The following LRIG1 variants were observed in gnomAD, a reference collection of about 807,000 sequenced individuals.
LRIG1 encodes leucine-rich repeats and immunoglobulin-like domains protein 1.
Under a neutral mutation model 99.2 loss-of-function variants are expected in LRIG1, and 48 were observed. That is an observed-to-expected ratio of 0.48 (90% CI 0.38 to 0.62). LRIG1 has a LOEUF of 0.62. Ranked by LOEUF, LRIG1 falls within the 20% of genes least tolerant of loss-of-function variation. The pLI is 0.00. For synonymous variants in LRIG1, 772 were observed against 596.1 expected, an observed-to-expected ratio of 1.29 and a Z score of -4.30; for missense variants, 1,646 against 1,434.4, an observed-to-expected ratio of 1.15 and a Z score of -2.38.
Position 66,380,118 on chromosome 3 carries a change from T to C in LRIG1, c.*145A>G. ...CCTCTTGCGTTTACTGTGCTTCAGA[T>C]CCAAGTCCTGTGAGCGACTGATACT... is the stretch of plus-strand genomic sequence containing the variant. On this transcript the variant is annotated 3_prime_UTR_variant, in exon 19 of 19. Coordinates refer to ENST00000273261, the MANE Select transcript of LRIG1 (RefSeq NM_015541.3). 3.1e-6 allele frequency: 2 copies of C among 648,706 alleles called. No homozygotes were observed. The highest frequency in any genetic ancestry group is 5.2e-6 in the Non-Finnish European group (2 of 387,310). 40.2% of individuals were successfully genotyped at this position (648,706 alleles called of 1,614,324 possible).
chr3:66,385,762 T>G (rs1036989453), intron 13 of LRIG1, among the ~76,000 whole-genome samples: 1 of 152,172 alleles, frequency 6.6e-6, no homozygotes, highest in Non-Finnish European at 1.5e-5. Context: ...AATAACTAGA[T>G]TTTTAAAACT....
At chr3:66,380,972 A>T in intron 17 of LRIG1, 111 bp from the exon 18 acceptor site, 2 of 1,050,672 alleles carry the variant, frequency 1.9e-6, no homozygotes, top group Non-Finnish European at 2.8e-6. Flanking sequence ...CCTGACTGCA[A>T]ACACTGTATG....
intron 1 of LRIG1, among the ~76,000 whole-genome samples, chr3:66,482,882 C>T: frequency 6.6e-6 from 1 of 152,280 alleles, no homozygotes; most frequent in East Asian, 1.9e-4. Context: ...TTCAGCCTCA[C>T]ACATTACTGG....
At chr3:66,399,086 C>G in intron 9 of LRIG1, 45 bp from the exon 10 acceptor site, 1 of 1,460,100 alleles carries the variant, frequency 6.8e-7, no homozygotes, top group South Asian at 1.1e-5. Context: ...GGAAGGAAAG[C>G]GAAACAGGAA....
intron 3 of LRIG1, among the ~76,000 whole-genome samples, chr3:66,418,747 G>C (rs1559789560): frequency 6.6e-6 from 1 of 152,176 alleles, no homozygotes; most frequent in East Asian, 1.9e-4. Flanking sequence ...GACCGAATCA[G>C]TTCCAACAGG....
At chr3:66,421,322 G>GC (rs1702802058) in intron 3 of LRIG1, among the ~76,000 whole-genome samples, 1 of 152,166 alleles carries the variant, frequency 6.6e-6, no homozygotes, top group Admixed American at 6.5e-5. Flanking sequence ...CTGAGACAAT[G>GC]CAAGTCCCTC....
At chr3:66,425,048 T>C (rs1235163219) in intron 3 of LRIG1, among the ~76,000 whole-genome samples, 1 of 152,212 alleles carries the variant, frequency 6.6e-6, no homozygotes, top group Non-Finnish European at 1.5e-5. Context: ...CATAACTCCA[T>C]TGTCAGTTGA....
chr3:66,400,497 G>C (rs1169297800), intron 9 of LRIG1, among the ~76,000 whole-genome samples: 2 of 152,182 alleles, frequency 1.3e-5, no homozygotes, highest in Non-Finnish European at 2.9e-5. Context: ...CCAACTCCTG[G>C]TGATTCTCAG....
intron 3 of LRIG1, among the ~76,000 whole-genome samples, chr3:66,446,386 C>G (rs1300492849): frequency 6.6e-6 from 1 of 150,952 alleles, no homozygotes; most frequent in East Asian, 1.9e-4. Context: ...GTATCCTATC[C>G]TCTCCCGCCC....
intron 9 of LRIG1, chr3:66,401,529 A>G (rs2107990268): frequency 1.0e-6 from 1 of 965,330 alleles, no homozygotes; most frequent in African/African-American, 1.7e-5. Flanking sequence ...TAACGGTGAC[A>G]ATAGCAATAA....
At position 66,500,592 on chromosome 3, in the gene LRIG1, C is replaced by G. The variant is rs1158615043; in HGVS notation, c.-185G>C. 6 of 359,670 alleles carry G rather than the reference C, an allele frequency of 1.7e-5. No individual in the cohort carries two copies. Among genetic ancestry groups the G allele is most frequent in the Non-Finnish European group, 3.0e-5 (6 of 203,116 alleles). 22.3% of individuals were successfully genotyped at this position (359,670 alleles called of 1,614,324 possible). A position where few individuals can be genotyped will look rare whatever the true frequency, so the allele number is the denominator to read the frequency against. ...CAGCGTGCCCCCGGTGCCCGGGCCG[C>G]TCCGGAGCACCCGGCGGGGGCCGCA... is the stretch of plus-strand genomic sequence containing the variant. On this transcript the variant is annotated 5_prime_UTR_variant, in exon 1 of 19. Coordinates refer to ENST00000273261, the MANE Select transcript of LRIG1 (RefSeq NM_015541.3).
intron 3 of LRIG1, among the ~76,000 whole-genome samples, chr3:66,442,047 T>G (rs1703558762): frequency 6.6e-6 from 1 of 152,140 alleles, no homozygotes; most frequent in Non-Finnish European, 1.5e-5. Flanking sequence ...TTTTTTCTTC[T>G]CAAAAGGCTG....
intron 3 of LRIG1, among the ~76,000 whole-genome samples, chr3:66,435,359 G>A (rs759027209): frequency 6.6e-6 from 1 of 152,152 alleles, no homozygotes; most frequent in African/African-American, 2.4e-5. Context: ...AGGAGTTTGA[G>A]ACCAGCCTTC....
chr3:66,385,614 G>A (rs895516299), intron 13 of LRIG1, among the ~76,000 whole-genome samples: 3 of 152,068 alleles, frequency 2.0e-5, no homozygotes, highest in African/African-American at 7.2e-5. Flanking sequence ...CACCACACCT[G>A]GCTAATTTTT....
At chr3:66,440,180 CT>C (rs1309519758) in intron 3 of LRIG1, among the ~76,000 whole-genome samples, 12 of 152,030 alleles carry the variant, frequency 7.9e-5, no homozygotes, top group African/African-American at 2.9e-4. Context: ...ACCTGGAGAG[CT>C]TTTTTAAAAA....
chr3:66,446,413 T>TC (rs1247822797), intron 3 of LRIG1, among the ~76,000 whole-genome samples: 1 of 151,128 alleles, frequency 6.6e-6, no homozygotes, highest in African/African-American at 2.4e-5. Flanking sequence ...CTTTTTTTTT[T>TC]TTTTTTTTTT....
chr3:66,460,587 C>A (rs543544581), intron 2 of LRIG1, among the ~76,000 whole-genome samples: 1 of 152,188 alleles, frequency 6.6e-6, no homozygotes, highest in African/African-American at 2.4e-5. Flanking sequence ...GGAGAGACCA[C>A]GTGAGGGCAC....
chr3:66,444,300 G>A (rs147127798), intron 3 of LRIG1, among the ~76,000 whole-genome samples: 9 of 152,184 alleles, frequency 5.9e-5, no homozygotes, highest in African/African-American at 2.2e-4. Flanking sequence ...AAGCAAATAT[G>A]TAACAGTCAT....
chr3:66,450,753 A>G (rs1208022690), intron 3 of LRIG1, among the ~76,000 whole-genome samples: 1 of 152,224 alleles, frequency 6.6e-6, no homozygotes, highest in Non-Finnish European at 1.5e-5. Flanking sequence ...TTAAACTATG[A>G]AAGCCTGGAG....
Sources: allele counts gnomAD v4.1 joint callset (sites outside exome capture counted in the v4.1 genomes callset), GRCh38; gene constraint gnomAD v4.1.1; transcripts MANE v1.5; gene names NCBI Gene and HGNC (gene_info 2026-07-23, HGNC 2026-07-21).